The following ADCY2 variants were observed in gnomAD, a reference collection of about 807,000 sequenced individuals.
ADCY2 encodes adenylate cyclase 2.
ADCY2 carries 31 observed loss-of-function variants against 125.2 expected under a neutral mutation model. The ratio of observed to expected loss-of-function variants is 0.25; its 90% CI spans 0.19 to 0.33. The LOEUF (loss-of-function observed/expected upper bound fraction) is 0.33. Among genes scored for constraint, ADCY2 ranks in the 10% least tolerant of loss-of-function variants. ADCY2 has a pLI of 1.00. For missense variants in ADCY2, 904 were observed against 1,418.2 expected (o/e 0.64, Z 5.82); for synonymous variants, 512 against 548.4 (o/e 0.93, Z 0.93).
intron 22 of ADCY2, among the ~76,000 whole-genome samples, chr5:7,810,388 G>A (rs116449969): frequency 2.0e-4 from 31 of 152,072 alleles, no homozygotes; most frequent in African/African-American, 7.5e-4. Flanking sequence ...TTTTCTACCT[G>A]ATGGGTGGGT....
chr5:7,412,087 G>A (rs1333673163), intron 1 of ADCY2, among the ~76,000 whole-genome samples: 2 of 146,964 alleles, frequency 1.4e-5, no homozygotes, highest in African/African-American at 5.0e-5. Flanking sequence ...AAAAAAAAAA[G>A]AGAAGCACGG....
chr5:7,401,258 T>C (rs1452144140), intron 1 of ADCY2, among the ~76,000 whole-genome samples: 2 of 152,244 alleles, frequency 1.3e-5, no homozygotes, highest in Non-Finnish European at 1.5e-5. Flanking sequence ...GAGGGAATAC[T>C]GTAGTCACAT....
rs567937334 is a variant in ADCY2 at position 7,768,348 on chromosome 5, T to C, written c.2214+1542T>C. Among the ~76,000 whole-genome samples, 34 of 152,310 alleles carry C rather than the reference T, an allele frequency of 2.2e-4. 1 individual carries two copies. The South Asian group carries it at 6.6e-3, about 30-fold the overall frequency. On this transcript the variant is annotated intron_variant, in intron 17 of 24. Transcript: ENST00000338316. ...GTGGGCCATTTGGAGCTCTCTTTTT[T>C]AGAGAAATATTTAAATTAACGGTGT...
At chr5:7,507,440 C>CAAAAAAAAAA (rs766601693) in intron 2 of ADCY2, among the ~76,000 whole-genome samples, 2 of 46,960 alleles carry the variant, frequency 4.3e-5, no homozygotes, top group African/African-American at 1.1e-4. Flanking sequence ...GACTCCGTCT[C>CAAAAAAAAAA]AAAAAAAAAA....
intron 3 of ADCY2, among the ~76,000 whole-genome samples, chr5:7,534,484 A>G (rs1273701829): frequency 6.6e-6 from 1 of 152,240 alleles, no homozygotes; most frequent in Admixed American, 6.5e-5. Context: ...AGACCGAGAT[A>G]TTAAACATAA....
intron 16 of ADCY2, among the ~76,000 whole-genome samples, chr5:7,766,182 T>C (rs1455552579): frequency 6.6e-6 from 1 of 152,168 alleles, no homozygotes; most frequent in Non-Finnish European, 1.5e-5. Flanking sequence ...TCACAAATAA[T>C]AGATACAAAT....
chr5:7,704,799 A>AC (rs1344140683), intron 7 of ADCY2, among the ~76,000 whole-genome samples: 2 of 150,616 alleles, frequency 1.3e-5, no homozygotes, highest in African/African-American at 4.9e-5. Context: ...AATGGCGTGA[A>AC]CCCGGGCGGC....
intron 3 of ADCY2, among the ~76,000 whole-genome samples, chr5:7,527,387 G>A (rs1734510653): frequency 6.6e-6 from 1 of 152,184 alleles, no homozygotes; most frequent in African/African-American, 2.4e-5. Context: ...CCAACCTCAA[G>A]GAATTTCCAT....
At chr5:7,514,929 A>C (rs961602124) in intron 2 of ADCY2, among the ~76,000 whole-genome samples, 2 of 152,190 alleles carry the variant, frequency 1.3e-5, no homozygotes, top group African/African-American at 2.4e-5. Context: ...TGTGAGAGAA[A>C]AATTTTTTAT....
intron 2 of ADCY2, among the ~76,000 whole-genome samples, chr5:7,493,466 A>G (rs1047303751): frequency 1.3e-5 from 2 of 152,156 alleles, no homozygotes; most frequent in Admixed American, 1.3e-4. Flanking sequence ...CTGTTTTTAA[A>G]CTGTAAGGAT....
intron 3 of ADCY2, among the ~76,000 whole-genome samples, chr5:7,606,070 CAT>C (rs1443325625): frequency 6.6e-6 from 1 of 150,386 alleles, no homozygotes; most frequent in Admixed American, 6.6e-5. Flanking sequence ...TTGAGATAAT[CAT>C]GTGGTTTTTG....
chr5:7,556,351 T>C (rs753956526), intron 3 of ADCY2, among the ~76,000 whole-genome samples: 76 of 152,180 alleles, frequency 5.0e-4, no homozygotes, highest in Non-Finnish European at 1.5e-4. Context: ...ATGAGACTTA[T>C]GTTCTAGAAA....
Position 7,396,844 on chromosome 5 carries a change from A to T in ADCY2, c.210+338A>T, listed in dbSNP as rs1463194009. ...CTTTCCGCCGGGCACCGCTGCCCGCAGCGCTGGAATAGGTCTTCCCCGACT... is the reference window on the plus strand; with the variant it reads ...CTTTCCGCCGGGCACCGCTGCCCGCTGCGCTGGAATAGGTCTTCCCCGACT... On this transcript the variant is annotated intron_variant, in intron 1 of 24. Coordinates refer to ENST00000338316, the MANE Select transcript of ADCY2 (RefSeq NM_020546.3). This position sits in a 1 kb window ranked among gnomAD's most constrained non-coding sequence, Gnocchi z 5.7. 6.6e-6 allele frequency among the ~76,000 whole-genome samples: 1 copy of T among 152,160 alleles called. No individual in the cohort carries two copies. The highest frequency in any genetic ancestry group is 1.9e-4 in the East Asian group (1 of 5,158).
intron 15 of ADCY2, among the ~76,000 whole-genome samples, chr5:7,756,936 G>C (rs866381325): frequency 6.6e-6 from 1 of 152,180 alleles, no homozygotes; most frequent in African/African-American, 2.4e-5. Flanking sequence ...ATCAAGCCTC[G>C]TGCCTGAGAT....
chr5:7,521,802 G>A (rs1254368534), intron 3 of ADCY2, among the ~76,000 whole-genome samples: 2 of 152,186 alleles, frequency 1.3e-5, no homozygotes, highest in African/African-American at 4.8e-5. Context: ...CAGTTGGAAA[G>A]CTTTCTGCGG....
At position 7,506,789 on chromosome 5, in the gene ADCY2, C is replaced by CTTT. The variant is rs70940743; in HGVS notation, c.409-13922_409-13920dup. ...AGGGGTAAATGTGTGATGCGTTGCT[C>CTTT]TTTTTTTTTTTTTTTTTTTTTTTTT... On this transcript the variant is annotated intron_variant, in intron 2 of 24. Coordinates refer to ENST00000338316, the MANE Select transcript of ADCY2 (RefSeq NM_020546.3). 4.0e-4 allele frequency among the ~76,000 whole-genome samples: 22 copies of CTTT among 55,064 alleles called. 3 individuals are homozygous for CTTT. Among genetic ancestry groups the CTTT allele is most frequent in the Non-Finnish European group, 6.2e-4 (19 of 30,664 alleles). The allele number at this position is 55,064 out of a possible 152,430, so 36.1% of individuals were successfully genotyped here. A position where few individuals can be genotyped will look rare whatever the true frequency, so the allele number is the denominator to read the frequency against.
chr5:7,735,791 T>G (rs1030292402), intron 14 of ADCY2, among the ~76,000 whole-genome samples: 3 of 152,202 alleles, frequency 2.0e-5, no homozygotes, highest in Non-Finnish European at 4.4e-5. Flanking sequence ...CTTTTTTTTG[T>G]GATGTCTTTG....
chr5:7,459,084 G>T (rs1741815336), intron 2 of ADCY2, among the ~76,000 whole-genome samples: 1 of 152,188 alleles, frequency 6.6e-6, no homozygotes, highest in Non-Finnish European at 1.5e-5. Flanking sequence ...CCTCACTCTA[G>T]GCTGTAGGTG....
chr5:7,710,071 G>C (rs2126360379), intron 10 of ADCY2, among the ~76,000 whole-genome samples: 1 of 152,312 alleles, frequency 6.6e-6, no homozygotes, highest in Non-Finnish European at 1.5e-5. Context: ...TGCAGTTACA[G>C]CTTTTTAAAA....
Sources: allele counts gnomAD v4.1 joint callset (sites outside exome capture counted in the v4.1 genomes callset), GRCh38; gene constraint gnomAD v4.1.1; non-coding constraint Gnocchi (gnomAD v3.1); transcripts MANE v1.5; gene names NCBI Gene and HGNC (gene_info 2026-07-23, HGNC 2026-07-21).